DSE: variants seen among roughly 807,000 people sequenced by gnomAD.
DSE encodes the protein dermatan-sulfate epimerase.
DSE carries 36 observed loss-of-function variants against 84.4 expected under a neutral mutation model. The ratio of observed to expected loss-of-function variants is 0.43; its 90% CI spans 0.33 to 0.56. The LOEUF is 0.56. Ranked by LOEUF, DSE falls within the 20% of genes least tolerant of loss-of-function variation. The probability of loss-of-function intolerance (pLI) is 0.06; values close to 1 mark genes in which losing one functional copy is unlikely to be tolerated. For missense variants in DSE, 862 were observed against 1,169.6 expected (o/e 0.74, Z 3.84); for synonymous variants, 410 against 430.1 (o/e 0.95, Z 0.58).
chr6:116,382,037 C>CTGTGTGTGTGTGTGTGTG (rs58610779), intron 1 of DSE, among the ~76,000 whole-genome samples: 11 of 144,866 alleles, frequency 7.6e-5, no homozygotes, highest in South Asian at 2.3e-4. Flanking sequence ...ACATGGCATT[C>CTGTGTGTGTGTGTGTGTG]TGTGTGTGTG....
chr6:116,348,031 G>A (rs554282886), intron 2 of DSE, among the ~76,000 whole-genome samples: 82 of 152,158 alleles, frequency 5.4e-4, no homozygotes, highest in African/African-American at 1.9e-3. Flanking sequence ...TGCACCCAAC[G>A]GACACATTAA....
intron 2 of DSE, among the ~76,000 whole-genome samples, chr6:116,266,810 G>A (rs1772648076): frequency 6.6e-6 from 1 of 152,148 alleles, no homozygotes. Flanking sequence ...TAGAGCAGAT[G>A]AAATAAATCC....
At chr6:116,346,555 G>C (rs553785178) in intron 2 of DSE, among the ~76,000 whole-genome samples, 1 of 152,270 alleles carries the variant, frequency 6.6e-6, no homozygotes, top group South Asian at 2.1e-4. Context: ...AAAGGCCTTT[G>C]ACAAAATTCA....
chr6:116,416,349 C>CTGTGTGTGTGTGTG (rs59237926), intron 2 of DSE, among the ~76,000 whole-genome samples: 128 of 134,030 alleles, frequency 9.6e-4, no homozygotes, highest in Middle Eastern at 3.6e-3. Flanking sequence ...CTAATTGCCA[C>CTGTGTGTGTGTGTG]TGTGTGTGTG....
rs1041061319 is a variant in DSE at position 116,399,756 on chromosome 6, T to C, written c.416+90T>C. On this transcript the variant is annotated intron_variant, in intron 2 of 5. Transcript: ENST00000644252. ...ACATCTCAGTGGCCAGATCTTCATGTACCTCTTTGTGTATGTGTGTGGGGG... is the reference window on the plus strand; with the variant it reads ...ACATCTCAGTGGCCAGATCTTCATGCACCTCTTTGTGTATGTGTGTGGGGG... 25 of 1,282,718 alleles carry C rather than the reference T, an allele frequency of 1.9e-5. No individual in the cohort carries two copies. In the Admixed American group the frequency reaches 4.7e-4, roughly 24 times the overall value. The allele number at this position is 1,282,718 out of a possible 1,614,324, so 79.5% of individuals were successfully genotyped here.
At chr6:116,391,956 A>G (rs1413283319) in intron 1 of DSE, among the ~76,000 whole-genome samples, 5 of 152,216 alleles carry the variant, frequency 3.3e-5, no homozygotes, top group African/African-American at 9.6e-5. Context: ...TACCAAGGAC[A>G]TGTAAGGTTT....
At chr6:116,299,551 T>TACACACACACAC (rs754431712) in intron 2 of DSE, among the ~76,000 whole-genome samples, 1 of 53,676 alleles carries the variant, frequency 1.9e-5, no homozygotes, top group Non-Finnish European at 2.9e-5. Flanking sequence ...TATATATATA[T>TACACACACACAC]ACACATACAC....
At chr6:116,274,933 G>A (rs1773055154) in intron 2 of DSE, among the ~76,000 whole-genome samples, 7 of 152,162 alleles carry the variant, frequency 4.6e-5, no homozygotes, top group Admixed American at 4.6e-4. Flanking sequence ...GAGACATGCT[G>A]TCCTATGTAA....
At position 116,444,505 on chromosome 6, in the gene DSE, C is replaced by T. The variant is rs1388203750; in HGVS notation, c.*7160C>T. 6.6e-6 allele frequency: 1 copy of T among 152,156 alleles called. No homozygotes were observed. Among genetic ancestry groups the T allele is most frequent in the East Asian group, 1.9e-4 (1 of 5,202 alleles). 9.4% of individuals were successfully genotyped at this position (152,156 alleles called of 1,614,324 possible). On this transcript the variant is annotated 3_prime_UTR_variant, in exon 6 of 6. Coordinates refer to ENST00000644252, the MANE Select transcript of DSE (RefSeq NM_013352.4). ...GGTGGATTAATGACTGAATGGAGTACAGAAGACTGTGGTCCCAGAAGACCT... is the reference window on the plus strand; with the variant it reads ...GGTGGATTAATGACTGAATGGAGTATAGAAGACTGTGGTCCCAGAAGACCT...
At chr6:116,330,662 G>A (rs1776882382) in intron 2 of DSE, among the ~76,000 whole-genome samples, 1 of 152,112 alleles carries the variant, frequency 6.6e-6, no homozygotes, top group African/African-American at 2.4e-5. Flanking sequence ...TCAACATGAT[G>A]AAATAGAAAT....
intron 2 of DSE, among the ~76,000 whole-genome samples, chr6:116,407,058 T>C (rs906396951): frequency 2.0e-5 from 3 of 152,164 alleles, no homozygotes; most frequent in African/African-American, 7.2e-5. Context: ...ACACAGAGAT[T>C]GATCAGATAT....
chr6:116,348,879 A>G (rs1365152771), intron 2 of DSE, among the ~76,000 whole-genome samples: 1 of 152,158 alleles, frequency 6.6e-6, no homozygotes, highest in Non-Finnish European at 1.5e-5. Flanking sequence ...TCAAGGACAG[A>G]AAACCAAACA....
At chr6:116,275,505 C>T (rs1252373322) in intron 2 of DSE, among the ~76,000 whole-genome samples, 1 of 152,176 alleles carries the variant, frequency 6.6e-6, no homozygotes, top group Non-Finnish European at 1.5e-5. Flanking sequence ...CTATGCAAAA[C>T]ATTATGCTAG....
intron 2 of DSE, among the ~76,000 whole-genome samples, chr6:116,408,707 A>G (rs1782100029): frequency 6.6e-6 from 1 of 152,202 alleles, no homozygotes; most frequent in South Asian, 2.1e-4. Context: ...AGGATTTGAC[A>G]TCTTGGTGCA....
intron 2 of DSE, among the ~76,000 whole-genome samples, chr6:116,315,786 G>A (rs1775938779): frequency 6.6e-6 from 1 of 152,302 alleles, no homozygotes; most frequent in East Asian, 1.9e-4. Flanking sequence ...CAGATGAAGA[G>A]GTCAGGAGTT....
At chr6:116,329,478 G>A (rs1174581710) in intron 2 of DSE, among the ~76,000 whole-genome samples, 1 of 152,098 alleles carries the variant, frequency 6.6e-6, no homozygotes, top group Non-Finnish European at 1.5e-5. Context: ...GAAAACTGCT[G>A]GAACTGATCC....
At chr6:116,407,985 T>A (rs1437092349) in intron 2 of DSE, among the ~76,000 whole-genome samples, 1 of 152,226 alleles carries the variant, frequency 6.6e-6, no homozygotes, top group Non-Finnish European at 1.5e-5. Flanking sequence ...AGCTGGCCTT[T>A]CTGCCTACAG....
intron 1 of DSE, among the ~76,000 whole-genome samples, chr6:116,371,483 G>T (rs141714589): frequency 6.6e-6 from 1 of 152,224 alleles, no homozygotes; most frequent in African/African-American, 2.4e-5. Flanking sequence ...TTTCCTCGAC[G>T]GTCCTTGGGG....
At position 116,279,295 on chromosome 6, in the gene DSE, C is replaced by A. The variant is rs200977893; in HGVS notation, c.-54+20328C>A. 1.1e-5 allele frequency: 16 copies of A among 1,519,670 alleles called. No homozygotes were observed. In the East Asian group the frequency reaches 4.0e-4, roughly 38 times the overall value. 94.1% of individuals were successfully genotyped at this position (1,519,670 alleles called of 1,614,324 possible). A position where few individuals can be genotyped will look rare whatever the true frequency, so the allele number is the denominator to read the frequency against. The stretch of plus-strand genomic sequence containing the variant: ...CTCCATTACCTCCTTCTCCGCCAGG[C>A]CTTCCTTCACCACCTCAGCGCTCTC... On this transcript the variant is annotated intron_variant, in intron 2 of 3. Transcript: ENST00000430252.
Sources: gnomAD v4.1 joint callset for allele counts (sites outside exome capture counted in the v4.1 genomes callset) on GRCh38, gnomAD v4.1.1 for gene constraint, MANE v1.5 for transcripts, NCBI Gene and HGNC (gene_info 2026-07-23, HGNC 2026-07-21) for gene names.